The following C11orf58 variants were observed in gnomAD, a reference collection of about 807,000 sequenced individuals.
The protein encoded by C11orf58 is small acidic protein.
C11orf58 carries 5 observed loss-of-function variants against 22.7 expected under a neutral mutation model. That is an observed-to-expected ratio of 0.22 (90% CI 0.12 to 0.46). The LOEUF (loss-of-function observed/expected upper bound fraction) is 0.46. Ranked by LOEUF, C11orf58 falls within the 20% of genes least tolerant of loss-of-function variation. C11orf58 has a pLI of 0.99. For missense variants in C11orf58, 151 were observed against 223.3 expected (o/e 0.68, Z 2.06); for synonymous variants, 71 against 70.7 (o/e 1.00, Z -0.02).
At chr11:16,753,391 GTCTC>G (rs777555078) in intron 4 of C11orf58, among the ~76,000 whole-genome samples, 11 of 151,400 alleles carry the variant, frequency 7.3e-5, no homozygotes, top group Non-Finnish European at 1.6e-4. Context: ...TTTGGAGACA[GTCTC>G]TCTCTGTTGC....
intron 4 of C11orf58, chr11:16,754,178 C>T (rs1195489439): frequency 1.0e-5 from 4 of 393,692 alleles, no homozygotes; most frequent in Non-Finnish European, 1.8e-5. Context: ...ATACAATGTG[C>T]AAAACATTGA....
chr11:16,738,702 G>C lies in C11orf58; in HGVS notation c.-77G>C, dbSNP rs745374332. On this transcript the variant is annotated 5_prime_UTR_variant, in exon 1 of 5. Transcript: ENST00000228136. ...TAGTGGCGCTGCTTGGGCCCTTGGC[G>C]GATTGTAAGCTGCTGGTTTTGCGGC... 2 of 1,517,046 alleles carry C rather than the reference G, an allele frequency of 1.3e-6. No individual in the cohort carries two copies. The highest frequency in any genetic ancestry group is 2.7e-5 in the African/African-American group (2 of 72,918). The allele number at this position is 1,517,046 out of a possible 1,614,324, so 94.0% of individuals were successfully genotyped here. A position where few individuals can be genotyped will look rare whatever the true frequency, so the allele number is the denominator to read the frequency against.
chr11:16,756,749 A>T lies in C11orf58; in HGVS notation c.*1645A>T, dbSNP rs900507597. 6.6e-6 allele frequency: 1 copy of T among 151,616 alleles called. No individual in the cohort carries two copies. The highest frequency in any genetic ancestry group is 2.4e-5 in the African/African-American group (1 of 41,278). The allele number at this position is 151,616 out of a possible 1,614,324, so 9.4% of individuals were successfully genotyped here. ...CATGGAGAAACCCCATCTCTACTAA[A>T]AATACAAAATTAGCTGGGCGTGGTG... On this transcript the variant is annotated 3_prime_UTR_variant, in exon 5 of 5. Coordinates refer to ENST00000228136, the MANE Select transcript of C11orf58 (RefSeq NM_014267.6).
chr11:16,738,696 C>A lies in C11orf58; in HGVS notation c.-83C>A, dbSNP rs1219332090. ...GTTCTGTAGTGGCGCTGCTTGGGCC[C>A]TTGGCGGATTGTAAGCTGCTGGTTT... On this transcript the variant is annotated 5_prime_UTR_variant, in exon 1 of 5. Transcript: ENST00000228136. 15 of 1,462,216 alleles carry A rather than the reference C, an allele frequency of 1.0e-5. No individual in the cohort carries two copies. Among genetic ancestry groups the A allele is most frequent in the South Asian group, 9.1e-5 (8 of 87,804 alleles). The allele number at this position is 1,462,216 out of a possible 1,614,324, so 90.6% of individuals were successfully genotyped here.
intron 3 of C11orf58, chr11:16,749,670 G>A (rs1037248249): frequency 3.9e-5 from 6 of 152,380 alleles, no homozygotes; most frequent in African/African-American, 4.8e-5. Flanking sequence ...ATTGTGAACT[G>A]TGCAAGCCAG....
chr11:16,749,751 G>C (rs902496358), intron 3 of C11orf58: 4 of 152,306 alleles, frequency 2.6e-5, no homozygotes, highest in Non-Finnish European at 5.9e-5. Context: ...GTGGTAATGG[G>C]GAGTGGCTGC....
intron 2 of C11orf58, chr11:16,747,567 GTTTA>G (rs1375028922): frequency 2.0e-5 from 3 of 152,186 alleles, no homozygotes; most frequent in African/African-American, 7.2e-5. Context: ...GAGATTAGTA[GTTTA>G]TTGTCAAATA....
rs988043265 is a variant in C11orf58 at position 16,738,685 on chromosome 11, C to G, written c.-94C>G. On this transcript the variant is annotated 5_prime_UTR_variant, in exon 1 of 5. Transcript: ENST00000228136. ...AGGGGCTCTGCGTTCTGTAGTGGCGCTGCTTGGGCCCTTGGCGGATTGTAA... is the reference window on the plus strand; with the variant it reads ...AGGGGCTCTGCGTTCTGTAGTGGCGGTGCTTGGGCCCTTGGCGGATTGTAA... 2 of 1,400,100 alleles carry G rather than the reference C, an allele frequency of 1.4e-6. No homozygotes were observed. The highest frequency in any genetic ancestry group is 1.2e-5 in the South Asian group (1 of 86,552). The allele number at this position is 1,400,100 out of a possible 1,614,324, so 86.7% of individuals were successfully genotyped here. A position where few individuals can be genotyped will look rare whatever the true frequency, so the allele number is the denominator to read the frequency against.
intron 2 of C11orf58, among the ~76,000 whole-genome samples, chr11:16,745,371 TAAC>T (rs1848479845): frequency 6.6e-6 from 1 of 152,184 alleles, no homozygotes; most frequent in Non-Finnish European, 1.5e-5. Flanking sequence ...CCCAACAACT[TAAC>T]TACTAATAGC....
chr11:16,752,764 TA>T lies in C11orf58; in HGVS notation c.209-18del. The T allele has an allele frequency of 6.5e-7, 1 of 1,526,768 alleles. No homozygotes were observed. The highest frequency in any genetic ancestry group is 9.0e-7 in the Non-Finnish European group (1 of 1,109,450). The allele number at this position is 1,526,768 out of a possible 1,614,324, so 94.6% of individuals were successfully genotyped here. ...ATTATTAATTTGACTGAAACATAAC[TA>T]AAGTATCCTGGACATGCAGGGGAAG... On this transcript the variant is annotated intron_variant, in intron 3 of 4. Transcript: ENST00000228136.
intron 4 of C11orf58, among the ~76,000 whole-genome samples, chr11:16,753,689 A>T (rs1395584368): frequency 6.6e-6 from 1 of 152,010 alleles, no homozygotes; most frequent in African/African-American, 2.4e-5. Flanking sequence ...TAAGGATTTT[A>T]AAGTGTGTTT....
In C11orf58 at chr11:16,758,141, G is replaced by A. The variant is rs1848596363; in HGVS notation, c.*3037G>A. On this transcript the variant is annotated 3_prime_UTR_variant, in exon 5 of 5. Transcript: ENST00000228136. ...CTCCTTTATACCTGCTCTGTGTTAGGGCGTAGTCTGTTTCCACCTCTGTAA... is the reference window on the plus strand; with the variant it reads ...CTCCTTTATACCTGCTCTGTGTTAGAGCGTAGTCTGTTTCCACCTCTGTAA... Among the ~76,000 whole-genome samples, 1 of 152,082 alleles carries A rather than the reference G, an allele frequency of 6.6e-6. No homozygotes were observed. Among genetic ancestry groups the A allele is most frequent in the Admixed American group, 6.5e-5 (1 of 15,278 alleles).
In C11orf58 at chr11:16,755,266, T is replaced by C. The variant is rs2134076640; in HGVS notation, c.*162T>C. On this transcript the variant is annotated 3_prime_UTR_variant, in exon 5 of 5. Coordinates refer to ENST00000228136, the MANE Select transcript of C11orf58 (RefSeq NM_014267.6). ...TTTCAAATGCCATGGGTTACACTTTTATGGGCATGACTATAACCATTTTTG... is the reference window on the plus strand; with the variant it reads ...TTTCAAATGCCATGGGTTACACTTTCATGGGCATGACTATAACCATTTTTG... 1 of 792,536 alleles carries C rather than the reference T, an allele frequency of 1.3e-6. No individual in the cohort carries two copies. The highest frequency in any genetic ancestry group is 2.0e-6 in the Non-Finnish European group (1 of 502,022). The allele number at this position is 792,536 out of a possible 1,614,324, so 49.1% of individuals were successfully genotyped here.
At chr11:16,744,506 CAG>C (rs777485106) in intron 1 of C11orf58, 93 bp from the exon 2 acceptor site, 60 of 920,536 alleles carry the variant, frequency 6.5e-5, no homozygotes, top group African/African-American at 2.9e-4. Context: ...TTACAACTGA[CAG>C]GGGAAAAAAA....
At chr11:16,744,717 T>C in intron 2 of C11orf58, 33 bp downstream of exon 2, 8 of 1,584,378 alleles carry the variant, frequency 5.0e-6, no homozygotes, top group Non-Finnish European at 6.9e-6. Context: ...TTTTACCTTT[T>C]CTGTGAAAAT....
At position 16,757,379 on chromosome 11, in the gene C11orf58, C is replaced by T. The variant is rs1392186538; in HGVS notation, c.*2275C>T. On this transcript the variant is annotated 3_prime_UTR_variant, in exon 5 of 5. Transcript: ENST00000228136. The stretch of plus-strand genomic sequence containing the variant: ...GGAGCAACTTGTTTTAAAATAACTA[C>T]ACTAAAAGACTTTCTTCATCTCCGT... 2.6e-5 allele frequency among the ~76,000 whole-genome samples: 4 copies of T among 152,164 alleles called. No individual in the cohort carries two copies. The highest frequency in any genetic ancestry group is 9.7e-5 in the African/African-American group (4 of 41,432).
intron 2 of C11orf58, 52 bp downstream of exon 2, chr11:16,744,736 T>C (rs778556046): frequency 6.7e-7 from 1 of 1,491,872 alleles, no homozygotes; most frequent in South Asian, 1.1e-5. Context: ...ATATTGCCAT[T>C]TTTATGTATG....
intron 1 of C11orf58, among the ~76,000 whole-genome samples, chr11:16,740,230 C>A (rs1848435083): frequency 6.6e-6 from 1 of 152,138 alleles, no homozygotes; most frequent in South Asian, 2.1e-4. Flanking sequence ...TATCAGACAC[C>A]TGTTTGGAAA....
rs866478899 is a variant in C11orf58, at chr11:16,755,783, T to A, written c.*679T>A. On this transcript the variant is annotated 3_prime_UTR_variant, in exon 5 of 5. Transcript: ENST00000228136. Reference sequence around the variant, plus strand: ...AATTTTTACAGAAGAAATTCTCTGATCATTTAGTTCTGTCTATTTAGAAAT... The same window carrying A: ...AATTTTTACAGAAGAAATTCTCTGAACATTTAGTTCTGTCTATTTAGAAAT... 6.6e-6 allele frequency: 1 copy of A among 152,664 alleles called. No homozygotes were observed. Among genetic ancestry groups the A allele is most frequent in the Non-Finnish European group, 1.5e-5 (1 of 68,040 alleles). The allele number at this position is 152,664 out of a possible 1,614,324, so 9.5% of individuals were successfully genotyped here.
Sources: gnomAD v4.1 joint callset for allele counts (sites outside exome capture counted in the v4.1 genomes callset) on GRCh38, gnomAD v4.1.1 for gene constraint, MANE v1.5 for transcripts, NCBI Gene and HGNC (gene_info 2026-07-23, HGNC 2026-07-21) for gene names.